The following DIXDC1 variants were observed in gnomAD, a reference collection of about 807,000 sequenced individuals.
DIXDC1 encodes dixin.
Under a neutral mutation model 103.1 loss-of-function variants are expected in DIXDC1, and 64 were observed. That is an observed-to-expected ratio of 0.62 (90% CI 0.51 to 0.76). DIXDC1 has a LOEUF of 0.76. Among genes scored for constraint, DIXDC1 ranks in the 30% least tolerant of loss-of-function variants. The pLI, the probability that DIXDC1 is intolerant of heterozygous loss-of-function variation, is 0.00. For missense variants in DIXDC1, 759 were observed against 834.2 expected (o/e 0.91, Z 1.11); for synonymous variants, 266 against 298.5 (o/e 0.89, Z 1.12).
At chr11:111,933,704 A>AAG (rs1966108551), upstream of DIXDC1, among the ~76,000 whole-genome samples, 2 of 151,852 alleles carry the variant, frequency 1.3e-5, no homozygotes, top group African/African-American at 4.8e-5. Context: ...AAAAAAAAAA[A>AAG]AAAAAAAGAC....
At chr11:111,962,694 T>C (rs1487653691) in intron 1 of DIXDC1, among the ~76,000 whole-genome samples, 13 of 152,140 alleles carry the variant, frequency 8.5e-5, no homozygotes, top group Admixed American at 4.6e-4. Context: ...AGTAACAGAT[T>C]TTAAGCAGGA....
At chr11:111,933,244 T>C (rs1966087895), upstream of DIXDC1, among the ~76,000 whole-genome samples, 1 of 152,128 alleles carries the variant, frequency 6.6e-6, no homozygotes, top group Admixed American at 6.6e-5. Context: ...TTCTTCTGCC[T>C]CAGCCTCCAG....
rs1555172343 is a variant in DIXDC1, at chr11:111,974,065, T to C, written c.359T>C (p.Leu120Pro). 5.0e-6 allele frequency: 8 copies of C among 1,614,006 alleles called. No individual in the cohort carries two copies. Among genetic ancestry groups the C allele is most frequent in the Non-Finnish European group, 6.8e-6 (8 of 1,179,894 alleles). The change falls in exon 4 of 20, where the codon CTT becomes CCT. Residue 120 changes from leucine to proline, a missense_variant. Leu to Pro is a moderately conservative substitution (Grantham distance 98). Transcript: ENST00000440460. ...CTGAAGTCTATCATGAGGCTGGTCC[T>C]TGCCTTGGCAGCTCATTTCAAACCT... ...GNLKSIMRLV[L>P]ALAAHFKPGS...
chr11:111,977,353 G>A lies in DIXDC1; in HGVS notation c.656+2370G>A. On this transcript the variant is annotated intron_variant, in intron 5 of 19. Coordinates refer to ENST00000440460, the MANE Select transcript of DIXDC1 (RefSeq NM_001037954.4). This position sits in a 1 kb window ranked among gnomAD's most constrained non-coding sequence, Gnocchi z 6.1. Reference sequence around the variant, plus strand: ...GTGGGATCGCCGCTGGGGACTCGAGGCGCAGCCTGCGCCGCCGGGAGCCTC... The same window carrying A: ...GTGGGATCGCCGCTGGGGACTCGAGACGCAGCCTGCGCCGCCGGGAGCCTC... 9.4e-7 allele frequency: 1 copy of A among 1,068,504 alleles called. No individual in the cohort carries two copies. Among genetic ancestry groups the A allele is most frequent in the Non-Finnish European group, 1.1e-6 (1 of 882,420 alleles). 66.2% of individuals were successfully genotyped at this position (1,068,504 alleles called of 1,614,324 possible).
At chr11:111,994,868 C>T in intron 14 of DIXDC1, 151 bp from the exon 15 acceptor site, 5 of 741,166 alleles carry the variant, frequency 6.7e-6, no homozygotes, top group African/African-American at 3.6e-5. Context: ...AAAATCTATA[C>T]TTAAGAAAGA....
At position 111,974,130 on chromosome 11, in the gene DIXDC1, G is replaced by C; in HGVS notation, c.424G>C (p.Ala142Pro). 1.2e-6 allele frequency: 2 copies of C among 1,614,014 alleles called. No individual in the cohort carries two copies. Among genetic ancestry groups the C allele is most frequent in the South Asian group, 1.1e-5 (1 of 91,084 alleles). Residue 142 changes from alanine to proline, a missense_variant, in exon 4 of 20, where the codon GCC becomes CCC. Physicochemically the swap from Ala to Pro is conservative, Grantham distance 27 (BLOSUM62 -1). Around this residue, in one of 3 missense-constraint regions of DIXDC1, gnomAD observed 657 missense variants for 727.5 expected, o/e 0.90. Transcript: ENST00000440460. ...RTVNQGRDSR[A>P]PLQSHRPHCA... is the part of the protein sequence containing the mutation. ...GGTGAACCAAGGACGGGACTCCAGA[G>C]CCCCTCTGCAAAGTCACCGACCACA...
intron 2 of DIXDC1, among the ~76,000 whole-genome samples, chr11:111,931,449 C>T (rs1463527310): frequency 6.6e-6 from 1 of 152,016 alleles, no homozygotes; most frequent in African/African-American, 2.4e-5. Context: ...CTGAGACCAG[C>T]CTGGCCAACA....
chr11:111,955,131 A>G (rs1188968923), intron 1 of DIXDC1, among the ~76,000 whole-genome samples: 1 of 152,054 alleles, frequency 6.6e-6, no homozygotes, highest in Admixed American at 6.6e-5. Flanking sequence ...TTCTTTTAAG[A>G]AATAGCTCAG....
At chr11:111,980,209 A>ACCAC (rs1202208001) in intron 5 of DIXDC1, among the ~76,000 whole-genome samples, 2 of 151,874 alleles carry the variant, frequency 1.3e-5, no homozygotes, top group African/African-American at 4.8e-5. Context: ...TTCCCCTTGA[A>ACCAC]CCACCCCCAC....
chr11:111,997,318 T>C (rs782463637), intron 17 of DIXDC1, among the ~76,000 whole-genome samples: 7 of 152,172 alleles, frequency 4.6e-5, no homozygotes, highest in Non-Finnish European at 1.0e-4. Context: ...TTATCTATGC[T>C]GGGAATGAAA....
intron 1 of DIXDC1, among the ~76,000 whole-genome samples, chr11:111,959,949 G>A (rs587627041): frequency 3.2e-4 from 48 of 151,998 alleles, no homozygotes; most frequent in African/African-American, 8.7e-4. Context: ...TCATTCTGTC[G>A]CCCAGGCTGG....
At chr11:111,992,650 G>A in intron 11 of DIXDC1, 131 bp downstream of exon 11, 1 of 817,556 alleles carries the variant, frequency 1.2e-6, no homozygotes, top group Non-Finnish European at 1.9e-6. Flanking sequence ...AGTGTCTGCA[G>A]TTATTTTTAT....
chr11:111,966,473 G>C (rs1178176002), intron 2 of DIXDC1, among the ~76,000 whole-genome samples: 2 of 140,570 alleles, frequency 1.4e-5, no homozygotes, highest in African/African-American at 5.7e-5. Flanking sequence ...GCGCAATCTC[G>C]GCTCACTGCA....
At chr11:111,991,191 A>G (rs782483424) in intron 10 of DIXDC1, among the ~76,000 whole-genome samples, 1 of 152,226 alleles carries the variant, frequency 6.6e-6, no homozygotes, top group Non-Finnish European at 1.5e-5. Flanking sequence ...ACACTTTAAA[A>G]AACAAATGTG....
chr11:111,956,709 C>T (rs1301102959), intron 1 of DIXDC1, among the ~76,000 whole-genome samples: 1 of 152,120 alleles, frequency 6.6e-6, no homozygotes, highest in South Asian at 2.1e-4. Flanking sequence ...AGGCTGATCT[C>T]GAACTCCTGA....
rs370611950 is a variant in DIXDC1, at chr11:111,998,386, C to T, written c.1756+2240C>T. 1.4e-4 allele frequency among the ~76,000 whole-genome samples: 22 copies of T among 152,224 alleles called. No individual in the cohort carries two copies. In the East Asian group the frequency reaches 2.5e-3, roughly 17 times the overall value. On this transcript the variant is annotated intron_variant, in intron 17 of 19. Transcript: ENST00000440460. This position sits in a 1 kb window ranked among gnomAD's most constrained non-coding sequence, Gnocchi z 4.1. ...TTGAATGTTGATGTGTCCTGGGATT[C>T]CATCCAATTGAAGCCTAAACCTAAG...
At chr11:111,965,818 G>C (rs587701462) in intron 2 of DIXDC1, among the ~76,000 whole-genome samples, 31 of 152,204 alleles carry the variant, frequency 2.0e-4, no homozygotes, top group Admixed American at 2.0e-3. Flanking sequence ...TAGTACTATT[G>C]TATTCATTTT....
At chr11:111,930,957 G>A (rs1201923584) in intron 2 of DIXDC1, among the ~76,000 whole-genome samples, 6 of 149,510 alleles carry the variant, frequency 4.0e-5, no homozygotes, top group Non-Finnish European at 5.9e-5. Context: ...GGGTTCAAGC[G>A]ATTCTCCTGC....
At chr11:111,933,534 A>G (rs1175827376), upstream of DIXDC1, among the ~76,000 whole-genome samples, 1 of 152,016 alleles carries the variant, frequency 6.6e-6, no homozygotes, top group Non-Finnish European at 1.5e-5. Context: ...GGCTCAAGCG[A>G]TCCTCCCACC....
Sources: allele counts gnomAD v4.1 joint callset (sites outside exome capture counted in the v4.1 genomes callset), GRCh38; gene constraint gnomAD v4.1.1; regional missense constraint gnomAD v4.1.1; non-coding constraint Gnocchi (gnomAD v3.1); transcripts MANE v1.5; gene names NCBI Gene and HGNC (gene_info 2026-07-23, HGNC 2026-07-21).